Variants in RPP14 observed in about 807,000 individuals in gnomAD.
RPP14 encodes ribonuclease P protein subunit p14.
Under a neutral mutation model 17.8 loss-of-function variants are expected in RPP14, and 19 were observed. That is an observed-to-expected ratio of 1.07 (90% CI 0.74 to 1.57). The LOEUF (loss-of-function observed/expected upper bound fraction) is 1.57. Among genes scored for constraint, RPP14 ranks in the 40% most tolerant of loss-of-function variants. The pLI, the probability that RPP14 is intolerant of heterozygous loss-of-function variation, is 0.00. For missense variants in RPP14, 125 were observed against 140.8 expected (o/e 0.89, Z 0.57); for synonymous variants, 60 against 56.4 (o/e 1.06, Z -0.29).
rs1412008218 is a variant in RPP14 at position 58,318,091 on chromosome 3, G to A, written c.*595G>A. The A allele has an allele frequency of 1.5e-6, 1 of 669,156 alleles. No homozygotes were observed. The highest frequency in any genetic ancestry group is 1.8e-5 in the African/African-American group (1 of 55,272). The allele number at this position is 669,156 out of a possible 1,614,324, so 41.5% of individuals were successfully genotyped here. ...GACTGTTATGGAAGGCTGGGTTAAA[G>A]TTATGGTTCCAGAAGCTTCCAAATC... On this transcript the variant is annotated 3_prime_UTR_variant, in exon 6 of 6. Coordinates refer to ENST00000295959, the MANE Select transcript of RPP14 (RefSeq NM_007042.6).
In RPP14 at chr3:58,310,151, G is replaced by A. The variant is rs893049917; in HGVS notation, c.-21-158G>A. 1.1e-3 allele frequency: 642 copies of A among 599,676 alleles called. 9 individuals carry two copies. Among genetic ancestry groups the A allele is most frequent in the Non-Finnish European group, 1.9e-4 (63 of 337,630 alleles). 37.1% of individuals were successfully genotyped at this position (599,676 alleles called of 1,614,324 possible). ...GAGAGCCAGAGGTGGAGGCTGCAGT[G>A]AACTCTGATTGTACCACTGCACTTC... is the stretch of plus-strand genomic sequence containing the variant. On this transcript the variant is annotated intron_variant, in intron 1 of 5. Coordinates refer to ENST00000295959, the MANE Select transcript of RPP14 (RefSeq NM_007042.6).
Position 58,317,871 on chromosome 3 carries a change from T to G in RPP14, c.*375T>G. On this transcript the variant is annotated 3_prime_UTR_variant, in exon 6 of 6. Transcript: ENST00000295959. ...TTGGAAATACAATTGTACATGGAGT[T>G]TTGATCAACGGACTTATCTCAGCTC... 1.4e-6 allele frequency: 1 copy of G among 703,034 alleles called. No individual in the cohort carries two copies. 43.5% of individuals were successfully genotyped at this position (703,034 alleles called of 1,614,324 possible). A position where few individuals can be genotyped will look rare whatever the true frequency, so the allele number is the denominator to read the frequency against.
At chr3:58,310,482 C>CTT in intron 2 of RPP14, 25 bp from the exon 3 acceptor site, 14 of 1,362,768 alleles carry the variant, frequency 1.0e-5, no homozygotes, top group African/African-American at 4.4e-5. Flanking sequence ...TTTAATATGA[C>CTT]TTTTTTTTTT....
rs1017294756 is a variant in RPP14 at position 58,319,789 on chromosome 3, T to C, written c.*2293T>C. The C allele has an allele frequency of 6.6e-6, 1 of 152,126 alleles. No individual in the cohort carries two copies. The highest frequency in any genetic ancestry group is 2.4e-5 in the African/African-American group (1 of 41,416). 9.4% of individuals were successfully genotyped at this position (152,126 alleles called of 1,614,324 possible). A position where few individuals can be genotyped will look rare whatever the true frequency, so the allele number is the denominator to read the frequency against. ...ATCCCAACACAGCCAACACTTTTGT[T>C]TCCCATTTTTTTTTGTTTCCCGTTT... On this transcript the variant is annotated 3_prime_UTR_variant, in exon 6 of 6. Transcript: ENST00000295959.
In RPP14 at chr3:58,317,827, T is replaced by G; in HGVS notation, c.*331T>G. 1.4e-6 allele frequency: 1 copy of G among 703,048 alleles called. No homozygotes were observed. The allele number at this position is 703,048 out of a possible 1,614,324, so 43.6% of individuals were successfully genotyped here. A position where few individuals can be genotyped will look rare whatever the true frequency, so the allele number is the denominator to read the frequency against. Reference sequence around the variant, plus strand: ...CAATCCTTTGCATTTGAATGAAGACTTTGCAAAACACACCAAGTTTGGAAA... The same window carrying G: ...CAATCCTTTGCATTTGAATGAAGACGTTGCAAAACACACCAAGTTTGGAAA... On this transcript the variant is annotated 3_prime_UTR_variant, in exon 6 of 6. Transcript: ENST00000295959.
In RPP14 at chr3:58,319,924, A is replaced by AT. The variant is rs1428969695; in HGVS notation, c.*2434dup. The AT allele has an allele frequency of 5.9e-5, 9 of 152,080 alleles. No homozygotes were observed. Among genetic ancestry groups the AT allele is most frequent in the Non-Finnish European group, 1.2e-4 (8 of 68,018 alleles). 9.4% of individuals were successfully genotyped at this position (152,080 alleles called of 1,614,324 possible). ...AAGTTGTACAACCATCACCAAATCA[A>AT]TTTTTTATAGCATTTTTCATCACCC... On this transcript the variant is annotated 3_prime_UTR_variant, in exon 6 of 6. Transcript: ENST00000295959.
intron 3 of RPP14, among the ~76,000 whole-genome samples, chr3:58,311,787 C>A (rs2097482532): frequency 6.6e-6 from 1 of 151,520 alleles, no homozygotes; most frequent in African/African-American, 2.4e-5. Context: ...CTGCACATGT[C>A]TTTTTGAATT....
chr3:58,318,159 T>G lies in RPP14; in HGVS notation c.*663T>G. Reference sequence around the variant, plus strand: ...AAGATGCAACCTCAAACACCAATGCTGTTGTTAAAGAGCCTATGGGGAATT... The same window carrying G: ...AAGATGCAACCTCAAACACCAATGCGGTTGTTAAAGAGCCTATGGGGAATT... On this transcript the variant is annotated 3_prime_UTR_variant, in exon 6 of 6. Coordinates refer to ENST00000295959, the MANE Select transcript of RPP14 (RefSeq NM_007042.6). The G allele has an allele frequency of 3.3e-6, 2 of 614,930 alleles. No individual in the cohort carries two copies. The highest frequency in any genetic ancestry group is 2.0e-5 in the South Asian group (1 of 50,804). The allele number at this position is 614,930 out of a possible 1,614,324, so 38.1% of individuals were successfully genotyped here.
chr3:58,307,174 C>T (rs143479141), intron 1 of RPP14, among the ~76,000 whole-genome samples: 19 of 152,286 alleles, frequency 1.2e-4, no homozygotes, highest in African/African-American at 4.1e-4. Flanking sequence ...GGGAGAATGG[C>T]AGGACATGAA....
chr3:58,314,140 C>G (rs891421263), intron 3 of RPP14, among the ~76,000 whole-genome samples: 2 of 151,980 alleles, frequency 1.3e-5, no homozygotes, highest in African/African-American at 2.4e-5. Flanking sequence ...TGCCTGAGGT[C>G]AGGAGTTTGA....
In RPP14 at chr3:58,306,278, G is replaced by A. The variant is rs1388570882; in HGVS notation, c.-161G>A. 2 of 152,292 alleles carry A rather than the reference G, an allele frequency of 1.3e-5. No homozygotes were observed. The highest frequency in any genetic ancestry group is 2.9e-5 in the Non-Finnish European group (2 of 68,082). 9.4% of individuals were successfully genotyped at this position (152,292 alleles called of 1,614,324 possible). A position where few individuals can be genotyped will look rare whatever the true frequency, so the allele number is the denominator to read the frequency against. Reference sequence around the variant, plus strand: ...CTGGGCGTCACGCTTCGTGGGGCGGGACGAGGAGAAGCCAAACGTAAAGAC... The same window carrying A: ...CTGGGCGTCACGCTTCGTGGGGCGGAACGAGGAGAAGCCAAACGTAAAGAC... On this transcript the variant is annotated 5_prime_UTR_variant, in exon 1 of 6. Transcript: ENST00000295959.
chr3:58,316,564 T>G lies in RPP14; in HGVS notation c.212T>G (p.Leu71Trp), dbSNP rs140463340. 4.3e-5 allele frequency: 69 copies of G among 1,614,122 alleles called. No homozygotes were observed. The East Asian group carries it at 1.5e-3, about 34-fold the overall frequency. The change falls in exon 4 of 6, where the codon TTG becomes TGG. Residue 71 changes from leucine (L) to tryptophan (W), a missense_variant. Transcript: ENST00000295959. ...ATCCTAACCTATGAAGAGAAGACCT[T>G]GTCAGCCATCTTGAGAATATGTAGC... ...LDILTYEEKTLSAILRICSSG... is the reference protein window; with the variant it reads ...LDILTYEEKTWSAILRICSSG...
chr3:58,316,380 A>T, intron 3 of RPP14, 135 bp from the exon 4 acceptor site: 2 of 740,836 alleles, frequency 2.7e-6, no homozygotes, highest in East Asian at 5.3e-5. Context: ...GTAGGCAACT[A>T]AAGTGCCAGC....
intron 3 of RPP14, among the ~76,000 whole-genome samples, chr3:58,314,154 C>T (rs1271234023): frequency 6.6e-6 from 1 of 151,958 alleles, no homozygotes; most frequent in Non-Finnish European, 1.5e-5. Context: ...AGTTTGAGAC[C>T]ATCCTGGCCA....
At chr3:58,314,675 ATTTTTTTTTTT>A (rs751757663) in intron 3 of RPP14, among the ~76,000 whole-genome samples, 2 of 90,582 alleles carry the variant, frequency 2.2e-5, no homozygotes, top group Admixed American at 1.7e-4. Context: ...GTTTGGCAGT[ATTTTTTTTTTT>A]TTTTTTTTTT....
chr3:58,306,987 C>A (rs73835145), intron 1 of RPP14, among the ~76,000 whole-genome samples: 9,452 of 152,206 alleles, frequency 0.062, 1,013 homozygotes, highest in African/African-American at 0.22. Context: ...ACTGGGCCAA[C>A]CCGATTGAGA....
intron 1 of RPP14, among the ~76,000 whole-genome samples, chr3:58,307,358 C>CG (rs1470420934): frequency 6.6e-6 from 1 of 152,148 alleles, no homozygotes; most frequent in Non-Finnish European, 1.5e-5. Flanking sequence ...GATGGAGAAG[C>CG]GGGGGAGTAG....
chr3:58,312,380 C>T (rs2097483302), intron 3 of RPP14, among the ~76,000 whole-genome samples: 1 of 140,750 alleles, frequency 7.1e-6, no homozygotes, highest in South Asian at 2.5e-4. Context: ...CTGCCTCAGC[C>T]TCCCGAGTAG....
intron 1 of RPP14, among the ~76,000 whole-genome samples, chr3:58,307,211 G>T (rs953838485): frequency 6.6e-6 from 1 of 152,156 alleles, no homozygotes; most frequent in African/African-American, 2.4e-5. Flanking sequence ...GAGCAGTCCT[G>T]CAGGTGAGGC....
Sources: gnomAD v4.1 joint callset for allele counts (sites outside exome capture counted in the v4.1 genomes callset) on GRCh38, gnomAD v4.1.1 for gene constraint, MANE v1.5 for transcripts, NCBI Gene and HGNC (gene_info 2026-07-23, HGNC 2026-07-21) for gene names.